The following ARHGAP8 variants were observed in gnomAD, a reference collection of about 807,000 sequenced individuals.
ARHGAP8 encodes rho GTPase-activating protein 8.
In ARHGAP8, 62 loss-of-function variants were observed where a neutral mutation model predicts 46.1. That is an observed-to-expected ratio of 1.34 (90% CI 1.10 to 1.66). The LOEUF (loss-of-function observed/expected upper bound fraction) is 1.66. ARHGAP8 is among the 40% of genes most tolerant of loss of function. ARHGAP8 has a pLI of 0.00. For synonymous variants in ARHGAP8, 375 were observed against 243.1 expected, an observed-to-expected ratio of 1.54 and a Z score of -5.05; for missense variants, 923 against 568.4, an observed-to-expected ratio of 1.62 and a Z score of -6.34.
intron 10 of ARHGAP8, 141 bp downstream of exon 10, chr22:44,849,201 A>AAG: frequency 6.7e-7 from 1 of 1,486,872 alleles, no homozygotes; most frequent in Non-Finnish European, 9.0e-7. Flanking sequence ...ACTGCAGGGC[A>AAG]AGAGAGGGGG....
At chr22:44,857,900 T>G (rs892155432) in intron 10 of ARHGAP8, among the ~76,000 whole-genome samples, 1 of 148,516 alleles carries the variant, frequency 6.7e-6, no homozygotes, top group African/African-American at 2.5e-5. Flanking sequence ...GACGCTCAGC[T>G]CACCAGTCCT....
chr22:44,795,355 G>A (rs1210319906), intron 2 of ARHGAP8, among the ~76,000 whole-genome samples: 1 of 152,134 alleles, frequency 6.6e-6, no homozygotes, highest in East Asian at 1.9e-4. Flanking sequence ...CAGATGGCAG[G>A]GTGGAGGGGG....
At chr22:44,794,213 T>C (rs1490110380) in intron 2 of ARHGAP8, among the ~76,000 whole-genome samples, 1 of 152,216 alleles carries the variant, frequency 6.6e-6, no homozygotes, top group Admixed American at 6.5e-5. Context: ...GTGCACTTAC[T>C]GTGTTCTGGG....
chr22:44,832,190 T>G (rs1469618516), intron 7 of ARHGAP8, among the ~76,000 whole-genome samples: 1 of 151,814 alleles, frequency 6.6e-6, no homozygotes, highest in Non-Finnish European at 1.5e-5. Flanking sequence ...TTAAATTTTT[T>G]TTTTTTAATT....
chr22:44,795,914 T>G (rs1314559308), intron 2 of ARHGAP8, among the ~76,000 whole-genome samples: 1 of 151,136 alleles, frequency 6.6e-6, no homozygotes, highest in Non-Finnish European at 1.5e-5. Context: ...CAGCTCCTCC[T>G]CCTGTGTCCT....
rs6006886 is a variant in ARHGAP8 at position 44,785,953 on chromosome 22, T to G, written c.-71-504T>G. ...TTGGAGCTGGAGGTTCAAGGTTAAG[T>G]CCACACCTTGCTGCCAGTTAGCAAG... On this transcript the variant is annotated intron_variant, in intron 1 of 11. Transcript: ENST00000356099. 472 of 158,614 alleles carry G rather than the reference T, an allele frequency of 3.0e-3. 4 individuals are homozygous for G. Among genetic ancestry groups the G allele is most frequent in the African/African-American group, 0.011 (446 of 41,680 alleles). The allele number at this position is 158,614 out of a possible 1,614,324, so 9.8% of individuals were successfully genotyped here. A position where few individuals can be genotyped will look rare whatever the true frequency, so the allele number is the denominator to read the frequency against.
intron 1 of ARHGAP8, among the ~76,000 whole-genome samples, chr22:44,770,726 G>C (rs1925937288): frequency 6.6e-6 from 1 of 152,202 alleles, no homozygotes; most frequent in South Asian, 2.1e-4. Flanking sequence ...TTCTACAGTA[G>C]TGATGTTATC....
rs149715860 is a variant in ARHGAP8 at position 44,808,325 on chromosome 22, G to A, written c.186G>A (p.Leu62=). 8.6e-5 allele frequency: 138 copies of A among 1,614,026 alleles called. No individual in the cohort carries two copies. The highest frequency in any genetic ancestry group is 5.0e-5 in the Admixed American group (3 of 59,988). The change falls in exon 4 of 12, where the codon CTG becomes CTA. Residue 62 remains leucine (L), a synonymous_variant. Transcript: ENST00000356099. The stretch of plus-strand genomic sequence containing the variant: ...TGCCCAGGTATTTGAAGTACACACT[G>A]GACCAATACGTTGAGAACGATTATA... The part of the protein sequence containing the change: ...QRLLEYLKYT[L]DQYVENDYTI...
At chr22:44,850,283 GACTT>G (rs1225619726) in intron 10 of ARHGAP8, 2 of 152,304 alleles carry the variant, frequency 1.3e-5, no homozygotes, top group Non-Finnish European at 2.9e-5. Flanking sequence ...AGGGCTGACT[GACTT>G]TGGCTAGTGG....
intron 7 of ARHGAP8, among the ~76,000 whole-genome samples, chr22:44,827,664 C>G (rs544598514): frequency 5.3e-5 from 8 of 152,168 alleles, no homozygotes; most frequent in Admixed American, 2.6e-4. Context: ...TTTTAAGCTA[C>G]CAAGTTGACG....
intron 8 of ARHGAP8, 81 bp downstream of exon 8, chr22:44,845,423 C>T (rs16992952): frequency 0.074 from 117,436 of 1,584,674 alleles, 6,285 homozygotes; most frequent in African/African-American, 0.26. Flanking sequence ...GGATCCTGAG[C>T]ACCCACAAGC....
intron 7 of ARHGAP8, among the ~76,000 whole-genome samples, chr22:44,837,863 C>T (rs1371882586): frequency 3.3e-5 from 5 of 152,188 alleles, no homozygotes; most frequent in Admixed American, 1.3e-4. Flanking sequence ...GCTGGGAGCA[C>T]GGCAGCTCTG....
At chr22:44,780,842 A>C (rs1307678878) in intron 1 of ARHGAP8, among the ~76,000 whole-genome samples, 16 of 152,164 alleles carry the variant, frequency 1.1e-4, no homozygotes, top group Non-Finnish European at 2.9e-5. Flanking sequence ...GTGAGGCTTT[A>C]GTGAGATAAC....
intron 8 of ARHGAP8, among the ~76,000 whole-genome samples, chr22:44,847,714 G>A (rs930739902): frequency 6.6e-6 from 1 of 152,336 alleles, no homozygotes; most frequent in East Asian, 1.9e-4. Context: ...CTTTCTCTGA[G>A]GTCACACAGC....
chr22:44,821,892 G>C (rs1326401748), intron 5 of ARHGAP8, among the ~76,000 whole-genome samples: 1 of 148,738 alleles, frequency 6.7e-6, no homozygotes, highest in Non-Finnish European at 1.5e-5. Flanking sequence ...CAAACCTGGA[G>C]AGCCTCATTG....
intron 5 of ARHGAP8, among the ~76,000 whole-genome samples, chr22:44,819,330 G>A (rs1435535863): frequency 6.6e-6 from 1 of 152,124 alleles, no homozygotes; most frequent in Non-Finnish European, 1.5e-5. Context: ...GCCTCTCAAA[G>A]TGCTGGGATT....
chr22:44,819,985 G>A (rs919528499), intron 5 of ARHGAP8, among the ~76,000 whole-genome samples: 2 of 152,168 alleles, frequency 1.3e-5, no homozygotes, highest in African/African-American at 2.4e-5. Context: ...ATTGGGCTCC[G>A]CAGCCCATTG....
chr22:44,783,039 C>T (rs1360796297), intron 1 of ARHGAP8, among the ~76,000 whole-genome samples: 1 of 151,914 alleles, frequency 6.6e-6, no homozygotes, highest in African/African-American at 2.4e-5. Context: ...CCAGCTCCAG[C>T]CCGATACACA....
chr22:44,783,750 G>C (rs1488061216), intron 1 of ARHGAP8, among the ~76,000 whole-genome samples: 3 of 152,164 alleles, frequency 2.0e-5, no homozygotes, highest in African/African-American at 7.2e-5. Flanking sequence ...CTGGGCTGAG[G>C]TCAAGGCGTT....
Sources: allele counts gnomAD v4.1 joint callset (sites outside exome capture counted in the v4.1 genomes callset), GRCh38; gene constraint gnomAD v4.1.1; transcripts MANE v1.5; gene names NCBI Gene and HGNC (gene_info 2026-07-23, HGNC 2026-07-21).